Variants in HCN1 observed in about 807,000 individuals in gnomAD.
HCN1 encodes the protein potassium/sodium hyperpolarization-activated cyclic nucleotide-gated channel 1.
Under a neutral mutation model 78.9 loss-of-function variants are expected in HCN1, and 13 were observed. The observed-to-expected ratio is 0.16, with a 90% confidence interval of 0.11 to 0.26. The LOEUF (loss-of-function observed/expected upper bound fraction) is 0.26. Ranked by LOEUF, HCN1 falls within the 10% of genes least tolerant of loss-of-function variation. HCN1 has a pLI of 1.00. For synonymous variants in HCN1, 552 were observed against 455.5 expected (o/e 1.21, Z -2.70); for missense variants, 810 against 1,154.3 (o/e 0.70, Z 4.32).
intron 2 of HCN1, among the ~76,000 whole-genome samples, chr5:45,477,900 C>A (rs1381534453): frequency 1.3e-5 from 2 of 152,060 alleles, no homozygotes; most frequent in East Asian, 3.9e-4. Flanking sequence ...TAGTGGTTAA[C>A]TTGGAATATA....
chr5:45,632,546 G>A (rs955410706), intron 2 of HCN1, among the ~76,000 whole-genome samples: 1 of 151,982 alleles, frequency 6.6e-6, no homozygotes, highest in Non-Finnish European at 1.5e-5. Context: ...ACGAATTACA[G>A]CTGGGATCCT....
chr5:45,529,054 G>T (rs1261462908), intron 2 of HCN1, among the ~76,000 whole-genome samples: 1 of 151,892 alleles, frequency 6.6e-6, no homozygotes, highest in East Asian at 1.9e-4. Flanking sequence ...TAAAAAGCAG[G>T]TATTTTCCTC....
chr5:45,399,798 G>T (rs1739757011), intron 3 of HCN1, among the ~76,000 whole-genome samples: 1 of 152,098 alleles, frequency 6.6e-6, no homozygotes, highest in Admixed American at 6.6e-5. Context: ...TATAATAAAA[G>T]TCCTGCTCAT....
At chr5:45,486,313 C>A (rs1031147180) in intron 2 of HCN1, among the ~76,000 whole-genome samples, 1 of 151,998 alleles carries the variant, frequency 6.6e-6, no homozygotes, top group African/African-American at 2.4e-5. Context: ...ACTGTCAAAG[C>A]CTCAAAGGTT....
At chr5:45,273,778 AAC>A (rs1304521019) in intron 6 of HCN1, among the ~76,000 whole-genome samples, 1 of 152,174 alleles carries the variant, frequency 6.6e-6, no homozygotes, top group Non-Finnish European at 1.5e-5. Context: ...AATAACATGT[AAC>A]AGAAAATATC....
intron 1 of HCN1, among the ~76,000 whole-genome samples, chr5:45,687,048 G>C (rs867424732): frequency 1.3e-5 from 2 of 152,098 alleles, no homozygotes; most frequent in African/African-American, 2.4e-5. Flanking sequence ...TTGTATTATG[G>C]CAAGGTATGG....
At chr5:45,595,289 C>T (rs927974265) in intron 2 of HCN1, among the ~76,000 whole-genome samples, 8 of 152,146 alleles carry the variant, frequency 5.3e-5, no homozygotes, top group Admixed American at 3.3e-4. Context: ...AAGTTGGTAG[C>T]TCTGAAGACA....
rs541047560 is a variant in HCN1 at position 45,315,304 on chromosome 5, C to T, written c.1378-11465G>A. Among the ~76,000 whole-genome samples, 6 of 152,270 alleles carry T rather than the reference C, an allele frequency of 3.9e-5. No homozygotes were observed. The East Asian group carries it at 9.7e-4, about 25-fold the overall frequency. On this transcript the variant is annotated intron_variant, in intron 5 of 7. Coordinates refer to ENST00000303230, the MANE Select transcript of HCN1 (RefSeq NM_021072.4). The stretch of plus-strand genomic sequence containing the variant: ...TACATGGAAATGGAACAACCTGCTC[C>T]TGAATGACTACTGGGTACACAGCGA...
chr5:45,613,077 A>G (rs1173247468), intron 2 of HCN1, among the ~76,000 whole-genome samples: 2 of 151,772 alleles, frequency 1.3e-5, no homozygotes, highest in Admixed American at 1.3e-4. Flanking sequence ...ATATGTATAC[A>G]TGTGCCATGC....
chr5:45,646,569 C>A (rs1341620622), intron 1 of HCN1, among the ~76,000 whole-genome samples: 1 of 151,814 alleles, frequency 6.6e-6, no homozygotes, highest in Non-Finnish European at 1.5e-5. Context: ...TAATTTAATT[C>A]TGAACATGCC....
intron 3 of HCN1, among the ~76,000 whole-genome samples, chr5:45,433,351 G>T (rs1259731078): frequency 1.3e-5 from 2 of 151,982 alleles, no homozygotes; most frequent in African/African-American, 4.8e-5. Context: ...ATTGTGTGGA[G>T]ATTTTGATTT....
intron 2 of HCN1, among the ~76,000 whole-genome samples, chr5:45,610,758 C>A (rs565937179): frequency 6.6e-6 from 1 of 151,324 alleles, no homozygotes; most frequent in East Asian, 1.9e-4. Flanking sequence ...TTAAAATATT[C>A]TTTAAATTGC....
At chr5:45,613,337 T>C (rs938875101) in intron 2 of HCN1, among the ~76,000 whole-genome samples, 3 of 152,030 alleles carry the variant, frequency 2.0e-5, no homozygotes, top group Non-Finnish European at 4.4e-5. Flanking sequence ...CATGAACTCA[T>C]CATTTTTTAT....
At chr5:45,551,662 A>T (rs1743373581) in intron 2 of HCN1, among the ~76,000 whole-genome samples, 1 of 152,000 alleles carries the variant, frequency 6.6e-6, no homozygotes, top group African/African-American at 2.4e-5. Context: ...AAACTTTCAT[A>T]TTATATTCTA....
rs550076105 is a variant in HCN1, at chr5:45,371,317, C to A, written c.1231-18071G>T. Among the ~76,000 whole-genome samples, 75 of 151,996 alleles carry A rather than the reference C, an allele frequency of 4.9e-4. 1 individual carries two copies. The highest frequency in any genetic ancestry group is 1.8e-3 in the African/African-American group (74 of 41,496). On this transcript the variant is annotated intron_variant, in intron 4 of 7. Coordinates refer to ENST00000303230, the MANE Select transcript of HCN1 (RefSeq NM_021072.4). ...AAACTGAAATAGTAAAAACTGTACACAAGGTCAATGAATCCTGGAGTTGGT... is the reference window on the plus strand; with the variant it reads ...AAACTGAAATAGTAAAAACTGTACAAAAGGTCAATGAATCCTGGAGTTGGT...
At chr5:45,273,404 G>A (rs1579770445) in intron 6 of HCN1, among the ~76,000 whole-genome samples, 1 of 152,034 alleles carries the variant, frequency 6.6e-6, no homozygotes, top group East Asian at 1.9e-4. Context: ...AGTTAACCCT[G>A]ATTATAAACA....
At chr5:45,431,625 C>T (rs1211128006) in intron 3 of HCN1, among the ~76,000 whole-genome samples, 2 of 152,026 alleles carry the variant, frequency 1.3e-5, no homozygotes, top group Non-Finnish European at 1.5e-5. Flanking sequence ...GTATAGGGAA[C>T]GGATCCAGTT....
Position 45,257,146 on chromosome 5 carries a change from A to G in HCN1, c.*4775T>C, listed in dbSNP as rs1226382771. On this transcript the variant is annotated 3_prime_UTR_variant, in exon 8 of 8. Transcript: ENST00000303230. ...TTTTATTCCTTGTTACATTAGCAAA[A>G]CAGACATTTCAATGTGAATCCTCCC... is the stretch of plus-strand genomic sequence containing the variant. 6.6e-6 allele frequency: 1 copy of G among 152,196 alleles called. No homozygotes were observed. The highest frequency in any genetic ancestry group is 2.4e-5 in the African/African-American group (1 of 41,440). The allele number at this position is 152,196 out of a possible 1,614,324, so 9.4% of individuals were successfully genotyped here. A position where few individuals can be genotyped will look rare whatever the true frequency, so the allele number is the denominator to read the frequency against.
intron 6 of HCN1, among the ~76,000 whole-genome samples, chr5:45,298,141 G>A (rs1359312289): frequency 6.6e-6 from 1 of 152,030 alleles, no homozygotes; most frequent in Non-Finnish European, 1.5e-5. Context: ...ACTGAGAGGT[G>A]AAGACTTTAT....
Sources: gnomAD v4.1 joint callset for allele counts (sites outside exome capture counted in the v4.1 genomes callset) on GRCh38, gnomAD v4.1.1 for gene constraint, MANE v1.5 for transcripts, NCBI Gene and HGNC (gene_info 2026-07-23, HGNC 2026-07-21) for gene names.